Variants in GALNTL6 observed in about 807,000 individuals in gnomAD.
The protein encoded by GALNTL6 is polypeptide N-acetylgalactosaminyltransferase-like 6.
Under a neutral mutation model 73.7 loss-of-function variants are expected in GALNTL6, and 46 were observed. That is an observed-to-expected ratio of 0.62 (90% CI 0.49 to 0.80). The LOEUF is 0.80. GALNTL6 is among the 30% of genes least tolerant of loss of function. The pLI, the probability that GALNTL6 is intolerant of heterozygous loss-of-function variation, is 0.00. For missense variants in GALNTL6, 604 were observed against 755.0 expected, an observed-to-expected ratio of 0.80 and a Z score of 2.34; for synonymous variants, 259 against 263.7, an observed-to-expected ratio of 0.98 and a Z score of 0.17.
chr4:172,661,799 A>G (rs1332991258), intron 5 of GALNTL6, among the ~76,000 whole-genome samples: 1 of 152,094 alleles, frequency 6.6e-6, no homozygotes, highest in Non-Finnish European at 1.5e-5. Context: ...GAAATCAACA[A>G]CTCATGAGTC....
intron 3 of GALNTL6, among the ~76,000 whole-genome samples, chr4:172,263,907 G>A (rs1482528046): frequency 1.3e-5 from 2 of 151,524 alleles, no homozygotes; most frequent in African/African-American, 4.8e-5. Flanking sequence ...TGGGTTGTGA[G>A]TTGTTGATTG....
chr4:172,044,612 T>C (rs1179056221), intron 2 of GALNTL6, among the ~76,000 whole-genome samples: 1 of 151,992 alleles, frequency 6.6e-6, no homozygotes, highest in African/African-American at 2.4e-5. Context: ...TTCTAATATA[T>C]GCCTGTAAAT....
intron 7 of GALNTL6, among the ~76,000 whole-genome samples, chr4:172,852,958 CA>C (rs1457921942): frequency 6.6e-6 from 1 of 152,130 alleles, no homozygotes; most frequent in Non-Finnish European, 1.5e-5. Context: ...ACTTATTGAA[CA>C]ATTACTTTAG....
Position 171,974,605 on chromosome 4 carries a change from C to CA in GALNTL6, c.138+159894dup, listed in dbSNP as rs532253865. On this transcript the variant is annotated intron_variant, in intron 2 of 12. Coordinates refer to ENST00000506823, the MANE Select transcript of GALNTL6 (RefSeq NM_001034845.3). ...TCTCAATTTTATTTTTACCTTTAGA[C>CA]AAAAAAATTTTAAATACTGAATTAT... 4.0e-4 allele frequency among the ~76,000 whole-genome samples: 61 copies of CA among 152,056 alleles called. 2 individuals carry two copies. In the South Asian group the frequency reaches 0.01, roughly 26 times the overall value.
At chr4:172,558,836 T>A (rs757127091) in intron 5 of GALNTL6, among the ~76,000 whole-genome samples, 3 of 152,078 alleles carry the variant, frequency 2.0e-5, no homozygotes, top group African/African-American at 7.2e-5. Flanking sequence ...TATAAGTTGA[T>A]CAAAACTATT....
chr4:172,565,458 G>A (rs967829830), intron 5 of GALNTL6, among the ~76,000 whole-genome samples: 31 of 152,140 alleles, frequency 2.0e-4, no homozygotes, highest in Non-Finnish European at 4.0e-4. Flanking sequence ...CCACTTGGTC[G>A]TGGTCTATGA....
intron 2 of GALNTL6, among the ~76,000 whole-genome samples, chr4:171,991,303 A>T (rs1002240087): frequency 2.6e-5 from 4 of 152,108 alleles, no homozygotes; most frequent in Non-Finnish European, 5.9e-5. Flanking sequence ...GCAAGAATAT[A>T]AATTTTCCAA....
chr4:172,027,297 C>T (rs1475076370), intron 2 of GALNTL6, among the ~76,000 whole-genome samples: 2 of 152,306 alleles, frequency 1.3e-5, no homozygotes, highest in Middle Eastern at 3.4e-3. Context: ...ATTATTCCAA[C>T]AGCATGTGCC....
At chr4:171,988,104 A>G (rs887839228) in intron 2 of GALNTL6, among the ~76,000 whole-genome samples, 2 of 152,200 alleles carry the variant, frequency 1.3e-5, no homozygotes, top group African/African-American at 4.8e-5. Context: ...CTATTAAAGC[A>G]GCAGCAGCCA....
chr4:172,564,411 A>T (rs1736486457), intron 5 of GALNTL6, among the ~76,000 whole-genome samples: 2 of 152,246 alleles, frequency 1.3e-5, no homozygotes, highest in Non-Finnish European at 2.9e-5. Flanking sequence ...GAACAAATGT[A>T]AATGATTACA....
chr4:172,862,307 C>A (rs1744433652), intron 7 of GALNTL6, among the ~76,000 whole-genome samples: 1 of 152,114 alleles, frequency 6.6e-6, no homozygotes, highest in Non-Finnish European at 1.5e-5. Context: ...AGCCCCTGCC[C>A]CAGAGGTCTG....
At position 172,545,912 on chromosome 4, in the gene GALNTL6, C is replaced by T. The variant is rs2110886419; in HGVS notation, c.553+197223C>T. On this transcript the variant is annotated intron_variant, in intron 5 of 12. Coordinates refer to ENST00000506823, the MANE Select transcript of GALNTL6 (RefSeq NM_001034845.3). ...CAAAAGAATGAGACAAGATATGCAA[C>T]TTACTCGTTTAGAATAGGCTTATTA... Among the ~76,000 whole-genome samples the T allele has an allele frequency of 2.0e-5, 3 of 152,242 alleles. No individual in the cohort carries two copies. The South Asian group carries it at 6.2e-4, about 32-fold the overall frequency.
chr4:172,829,059 C>T (rs530753496), intron 7 of GALNTL6, among the ~76,000 whole-genome samples: 7 of 152,204 alleles, frequency 4.6e-5, no homozygotes, highest in Non-Finnish European at 8.8e-5. Flanking sequence ...GTGGAAGCAT[C>T]GCTCTGGTGT....
intron 9 of GALNTL6, among the ~76,000 whole-genome samples, chr4:172,944,789 C>T (rs1012841048): frequency 3.3e-5 from 5 of 152,132 alleles, no homozygotes; most frequent in African/African-American, 1.2e-4. Flanking sequence ...GGCACGGTGG[C>T]TCATGCCTAT....
chr4:172,813,799 A>C, intron 7 of GALNTL6, 76 bp downstream of exon 7: 5 of 1,132,658 alleles, frequency 4.4e-6, no homozygotes, highest in Non-Finnish European at 6.2e-6. Flanking sequence ...GGGCTCAAGA[A>C]GACAATTATC....
chr4:172,016,239 T>A (rs1224129068), intron 2 of GALNTL6, among the ~76,000 whole-genome samples: 1 of 152,012 alleles, frequency 6.6e-6, no homozygotes, highest in African/African-American at 2.4e-5. Flanking sequence ...CTCAAGTTTC[T>A]TGGAGGTGTT....
intron 2 of GALNTL6, among the ~76,000 whole-genome samples, chr4:172,020,944 G>T (rs1235088950): frequency 6.6e-6 from 1 of 151,952 alleles, no homozygotes; most frequent in African/African-American, 2.4e-5. Context: ...CATTGAAAAA[G>T]ATCATTCATC....
chr4:172,759,260 C>A (rs549665301), intron 5 of GALNTL6, among the ~76,000 whole-genome samples: 1 of 152,332 alleles, frequency 6.6e-6, no homozygotes, highest in South Asian at 2.1e-4. Context: ...TACCAATGTT[C>A]ACTATTAGCC....
chr4:172,873,820 T>G (rs1456017797), intron 7 of GALNTL6, among the ~76,000 whole-genome samples: 2 of 152,178 alleles, frequency 1.3e-5, no homozygotes, highest in Non-Finnish European at 2.9e-5. Flanking sequence ...CAGTATAAAT[T>G]TATTAAAAGG....
Sources: gnomAD v4.1 joint callset for allele counts (sites outside exome capture counted in the v4.1 genomes callset) on GRCh38, gnomAD v4.1.1 for gene constraint, MANE v1.5 for transcripts, NCBI Gene and HGNC (gene_info 2026-07-23, HGNC 2026-07-21) for gene names.